OXR1: variants seen among roughly 807,000 people sequenced by gnomAD.
The protein encoded by OXR1 is oxidation resistance 1.
Under a neutral mutation model 104.6 loss-of-function variants are expected in OXR1, and 41 were observed. That is an observed-to-expected ratio of 0.39 (90% confidence interval 0.31 to 0.51). The LOEUF is 0.51. Among genes scored for constraint, OXR1 ranks in the 20% least tolerant of loss-of-function variants. The pLI is 0.77. For missense variants in OXR1, 955 were observed against 1,031.9 expected (o/e 0.93, Z 1.02); for synonymous variants, 348 against 348.4 (o/e 1.00, Z 0.01).
In OXR1 at chr8:106,498,971, G is replaced by T. The variant is rs1322959499; in HGVS notation, c.24-19972G>T. Among the ~76,000 whole-genome samples the T allele has an allele frequency of 1.5e-4, 3 of 20,202 alleles. 1 individual carries two copies. The highest frequency in any genetic ancestry group is 6.4e-4 in the African/African-American group (3 of 4,652). 13.3% of individuals were successfully genotyped at this position (20,202 alleles called of 152,430 possible). ...AGGTCGGGAGATCGAGACCATCCTG[G>T]CTAACAAGGTGAAACCCCGTCTCTA... On this transcript the variant is annotated intron_variant, in intron 2 of 16. Coordinates refer to ENST00000517566, the MANE Select transcript of OXR1 (RefSeq NM_001198533.2).
intron 3 of OXR1, among the ~76,000 whole-genome samples, chr8:106,659,126 TCTTA>T (rs1163484907): frequency 1.3e-5 from 2 of 152,218 alleles, no homozygotes; most frequent in Non-Finnish European, 2.9e-5. Context: ...TTAAATTTTA[TCTTA>T]CTTTATTTTT....
intron 2 of OXR1, among the ~76,000 whole-genome samples, chr8:106,466,408 T>C (rs972599): frequency 0.016 from 2,491 of 152,004 alleles, 59 homozygotes; most frequent in African/African-American, 0.056. Context: ...CCAATTCTTT[T>C]ATCCCTAATA....
At chr8:106,288,530 A>ATGTGTG (rs139132173) in intron 1 of OXR1, among the ~76,000 whole-genome samples, 10 of 131,536 alleles carry the variant, frequency 7.6e-5, no homozygotes, top group African/African-American at 1.7e-4. Context: ...ATATATATGT[A>ATGTGTG]TGTGTGTGTG....
chr8:106,697,325 T>G (rs2131327081), intron 7 of OXR1: 1 of 916,354 alleles, frequency 1.1e-6, no homozygotes, highest in East Asian at 2.4e-5. Flanking sequence ...GAAGGGAGCT[T>G]AAGAGCTCTG....
intron 10 of OXR1, 59 bp downstream of exon 10, chr8:106,710,849 T>C: frequency 9.3e-7 from 1 of 1,073,656 alleles, no homozygotes; most frequent in Non-Finnish European, 1.3e-6. Context: ...CTAAAATTAT[T>C]TTGTGTGTCA....
intron 2 of OXR1, among the ~76,000 whole-genome samples, chr8:106,438,705 C>T (rs766010419): frequency 9.2e-5 from 14 of 152,024 alleles, no homozygotes; most frequent in Non-Finnish European, 1.8e-4. Flanking sequence ...AAGTACTTAC[C>T]AGTGCCCAGC....
chr8:106,580,173 A>G (rs921658927), intron 3 of OXR1, among the ~76,000 whole-genome samples: 2 of 152,208 alleles, frequency 1.3e-5, no homozygotes, highest in African/African-American at 4.8e-5. Flanking sequence ...GAATATTCAC[A>G]TAATAGTAAA....
chr8:106,656,750 T>C (rs776880209), intron 3 of OXR1, among the ~76,000 whole-genome samples: 14 of 149,870 alleles, frequency 9.3e-5, no homozygotes, highest in Non-Finnish European at 1.6e-4. Context: ...ATTAGAATGG[T>C]GAAATTTATC....
chr8:106,457,865 G>T (rs1820685814), intron 2 of OXR1, among the ~76,000 whole-genome samples: 2 of 152,168 alleles, frequency 1.3e-5, no homozygotes, highest in South Asian at 4.1e-4. Context: ...CAGAATTGAA[G>T]AGCAATAAAC....
At chr8:106,484,261 A>G (rs1822311202) in intron 2 of OXR1, among the ~76,000 whole-genome samples, 1 of 152,092 alleles carries the variant, frequency 6.6e-6, no homozygotes, top group African/African-American at 2.4e-5. Context: ...ATAGTTAACA[A>G]TTATTGTTTA....
chr8:106,524,867 T>G (rs1369855441), intron 3 of OXR1, among the ~76,000 whole-genome samples: 14 of 152,166 alleles, frequency 9.2e-5, no homozygotes, highest in Admixed American at 9.2e-4. Context: ...TCAGATTGTA[T>G]AGATGCTCAG....
chr8:106,368,874 G>C (rs1220067239), intron 2 of OXR1, among the ~76,000 whole-genome samples: 1 of 152,156 alleles, frequency 6.6e-6, no homozygotes, highest in African/African-American at 2.4e-5. Flanking sequence ...TTGTGCATGT[G>C]TCTTTAGAGT....
At chr8:106,720,037 C>T (rs1587232156) in intron 11 of OXR1, among the ~76,000 whole-genome samples, 1 of 152,044 alleles carries the variant, frequency 6.6e-6, no homozygotes, top group South Asian at 2.1e-4. Context: ...CAATCTCCTG[C>T]CCTCATGATC....
At chr8:106,596,387 AGT>A (rs1277313293) in intron 3 of OXR1, among the ~76,000 whole-genome samples, 1 of 152,100 alleles carries the variant, frequency 6.6e-6, no homozygotes, top group East Asian at 1.9e-4. Context: ...CATAGTTTGC[AGT>A]GAGTTGAGAT....
intron 3 of OXR1, among the ~76,000 whole-genome samples, chr8:106,612,842 T>C (rs1338016155): frequency 6.6e-6 from 1 of 152,106 alleles, no homozygotes; most frequent in Non-Finnish European, 1.5e-5. Flanking sequence ...AAGATTCTAG[T>C]TTTACAGGTG....
chr8:106,405,592 C>G (rs1032707914), intron 2 of OXR1, among the ~76,000 whole-genome samples: 2 of 152,106 alleles, frequency 1.3e-5, no homozygotes, highest in African/African-American at 4.8e-5. Flanking sequence ...TGCTTCTACT[C>G]TTTTGGAACC....
At chr8:106,743,266 A>T (rs1211727609) in intron 15 of OXR1, among the ~76,000 whole-genome samples, 2 of 152,226 alleles carry the variant, frequency 1.3e-5, no homozygotes, top group Non-Finnish European at 2.9e-5. Context: ...ATTATTAAAA[A>T]GTCAAATAAC....
chr8:106,316,740 C>A (rs1418606464), intron 1 of OXR1, among the ~76,000 whole-genome samples: 1 of 149,590 alleles, frequency 6.7e-6, no homozygotes, highest in Admixed American at 6.6e-5. Context: ...ATCTATCTAT[C>A]TATCTATCTA....
chr8:106,344,580 A>G (rs1047986718), intron 1 of OXR1, among the ~76,000 whole-genome samples: 1 of 152,088 alleles, frequency 6.6e-6, no homozygotes, highest in African/African-American at 2.4e-5. Context: ...CTCATGATCC[A>G]TCCGCCTCGG....
Sources: gnomAD v4.1 joint callset for allele counts (sites outside exome capture counted in the v4.1 genomes callset) on GRCh38, gnomAD v4.1.1 for gene constraint, MANE v1.5 for transcripts, NCBI Gene and HGNC (gene_info 2026-07-23, HGNC 2026-07-21) for gene names.